Variants in SBNO1 observed in about 807,000 individuals in gnomAD.
SBNO1 encodes strawberry notch homolog 1.
In SBNO1, 23 loss-of-function variants were observed where a neutral mutation model predicts 173.6. That is an observed-to-expected ratio of 0.13 (90% CI 0.10 to 0.19). The LOEUF (loss-of-function observed/expected upper bound fraction) is 0.19, where lower values mean the gene tolerates loss of function less well. Among genes scored for constraint, SBNO1 ranks in the 10% least tolerant of loss-of-function variants. The probability of loss-of-function intolerance (pLI) is 1.00; values close to 1 mark genes in which losing one functional copy is unlikely to be tolerated. For synonymous variants in SBNO1, 632 were observed against 571.5 expected (o/e 1.11, Z -1.51); for missense variants, 1,238 against 1,671.2 (o/e 0.74, Z 4.52).
At position 123,309,337 on chromosome 12, in the gene SBNO1, T is replaced by C. The variant is rs758766434; in HGVS notation, c.3603A>G (p.Pro1201=). 24 of 1,614,018 alleles carry C rather than the reference T, an allele frequency of 1.5e-5. No homozygotes were observed. Among genetic ancestry groups the C allele is most frequent in the Non-Finnish European group, 2.0e-5 (24 of 1,179,960 alleles). ...GCAATGACAAGTAAAAGCCATCGTCTGGTCCTGTCAGCTCAGCCCAAATCT... is the reference window on the plus strand; with the variant it reads ...GCAATGACAAGTAAAAGCCATCGTCCGGTCCTGTCAGCTCAGCCCAAATCT... ...ATKIWAELTG[P]DDGFYLSLQI... The change falls in exon 28 of 32, where the codon CCA becomes CCG. Residue 1201 remains proline (P), a synonymous_variant. Coordinates refer to ENST00000602398, the MANE Select transcript of SBNO1 (RefSeq NM_001167856.3).
At position 123,329,060 on chromosome 12, in the gene SBNO1, A is replaced by T. The variant is rs79682856; in HGVS notation, c.1135-165T>A. 3.0e-3 allele frequency among the ~76,000 whole-genome samples: 453 copies of T among 152,318 alleles called. 3 individuals carry two copies. Among genetic ancestry groups the T allele is most frequent in the East Asian group, 0.013 (65 of 5,188 alleles). ...ATTTATTTGTATAAATGTACACAACACAAACACACAACTTTATAGTACAAA... is the reference window on the plus strand; with the variant it reads ...ATTTATTTGTATAAATGTACACAACTCAAACACACAACTTTATAGTACAAA... On this transcript the variant is annotated intron_variant, in intron 9 of 31. Coordinates refer to ENST00000602398, the MANE Select transcript of SBNO1 (RefSeq NM_001167856.3).
intron 21 of SBNO1, among the ~76,000 whole-genome samples, chr12:123,316,983 C>A (rs951368705): frequency 6.6e-6 from 1 of 151,904 alleles, no homozygotes; most frequent in Admixed American, 6.6e-5. Flanking sequence ...ATTACAGGCA[C>A]GAGCCACTGC....
chr12:123,300,316 C>T (rs1168186064), intron 30 of SBNO1, among the ~76,000 whole-genome samples: 1 of 152,146 alleles, frequency 6.6e-6, no homozygotes, highest in Admixed American at 6.6e-5. Context: ...TCATCTTGAT[C>T]TCCCAAAGTG....
intron 1 of SBNO1, among the ~76,000 whole-genome samples, chr12:123,362,461 AAAAAAAAG>A (rs1875426474): frequency 6.9e-6 from 1 of 145,338 alleles, no homozygotes; most frequent in Non-Finnish European, 1.5e-5. Flanking sequence ...AAAAAAAAAA[AAAAAAAAG>A]GATTCTGACG....
intron 1 of SBNO1, among the ~76,000 whole-genome samples, chr12:123,351,862 C>T (rs745797646): frequency 6.6e-6 from 1 of 151,946 alleles, no homozygotes; most frequent in Non-Finnish European, 1.5e-5. Flanking sequence ...GAATATGAAG[C>T]ACGTCAGAGA....
At chr12:123,296,144 C>G in intron 31 of SBNO1, 94 bp from the exon 32 acceptor site, 2 of 744,652 alleles carry the variant, frequency 2.7e-6, no homozygotes, top group Non-Finnish European at 4.6e-6. Context: ...TAATATTAAG[C>G]GTAATGGACA....
At chr12:123,315,244 G>T in intron 23 of SBNO1, 129 bp downstream of exon 23, 1 of 664,040 alleles carries the variant, frequency 1.5e-6, no homozygotes, top group Non-Finnish European at 2.6e-6. Flanking sequence ...CTTATAGGAA[G>T]CCATGATTTT....
chr12:123,320,774 C>T lies in SBNO1; in HGVS notation c.2416G>A (p.Ala806Thr). The change falls in exon 18 of 32, where the codon GCA becomes ACA. Residue 806 changes from alanine (A) to threonine (T), a missense_variant. This residue lies in a region of SBNO1 where 5 missense variants were observed against 18.6 expected (regional missense o/e 0.27). Coordinates refer to ENST00000602398, the MANE Select transcript of SBNO1 (RefSeq NM_001167856.3). ...GGTCGTTTTGATCCAAGACCTGATG[C>T]TAATAAGGCACTTTGAATAGAATCT... ...DPDSIQSALL[A>T]SGLGSKRPSF... 6.2e-7 allele frequency: 1 copy of T among 1,611,406 alleles called. No homozygotes were observed. Among genetic ancestry groups the T allele is most frequent in the Non-Finnish European group, 8.5e-7 (1 of 1,178,504 alleles).
chr12:123,296,409 T>C (rs2048595928), intron 31 of SBNO1, among the ~76,000 whole-genome samples: 1 of 124,994 alleles, frequency 8.0e-6, no homozygotes, highest in Non-Finnish European at 1.7e-5. Context: ...CAAATTCAAA[T>C]GCTAACCGAA....
chr12:123,313,598 T>A, intron 24 of SBNO1, 22 bp downstream of exon 24: 1 of 1,186,818 alleles, frequency 8.4e-7, no homozygotes, highest in Admixed American at 1.8e-5. Flanking sequence ...TTGTCATTGT[T>A]ATGAATATTT....
At position 123,364,161 on chromosome 12, in the gene SBNO1, C is replaced by T. The variant is rs1365905553; in HGVS notation, c.-1+540G>A. 5 of 985,450 alleles carry T rather than the reference C, an allele frequency of 5.1e-6. No individual in the cohort carries two copies. The South Asian group carries it at 1.4e-4, about 28-fold the overall frequency. 61.0% of individuals were successfully genotyped at this position (985,450 alleles called of 1,614,324 possible). A position where few individuals can be genotyped will look rare whatever the true frequency, so the allele number is the denominator to read the frequency against. On this transcript the variant is annotated intron_variant, in intron 1 of 31. Coordinates refer to ENST00000602398, the MANE Select transcript of SBNO1 (RefSeq NM_001167856.3). ...CGCGGCTTCCCCACCGCCCCAAGAG[C>T]GGGGCATGTACGAGACCGCGCTGTG...
chr12:123,328,891 T>C lies in SBNO1; in HGVS notation c.1139A>G (p.Lys380Arg). 2.6e-6 allele frequency: 4 copies of C among 1,525,254 alleles called. No individual in the cohort carries two copies. Among genetic ancestry groups the C allele is most frequent in the Non-Finnish European group, 3.6e-6 (4 of 1,120,454 alleles). The allele number at this position is 1,525,254 out of a possible 1,614,324, so 94.5% of individuals were successfully genotyped here. A position where few individuals can be genotyped will look rare whatever the true frequency, so the allele number is the denominator to read the frequency against. Residue 380 changes from lysine (K) to arginine (R), a missense_variant, in exon 10 of 32, where the codon AAA becomes AGA. By Grantham distance (26) the Lys-to-Arg change is conservative. Coordinates refer to ENST00000602398, the MANE Select transcript of SBNO1 (RefSeq NM_001167856.3). The stretch of plus-strand genomic sequence containing the variant: ...ATGTTTGGAAGAAATTTTTCCGTAT[T>C]TAAACTAAAAAAGAAAAGAAAAGAA... ...NILVHSLNKF[K>R]YGKISSKHNG...
At chr12:123,355,739 T>A (rs1262460404) in intron 1 of SBNO1, among the ~76,000 whole-genome samples, 2 of 152,136 alleles carry the variant, frequency 1.3e-5, no homozygotes, top group Admixed American at 6.6e-5. Context: ...GGCATGTTCA[T>A]GGCACTGCAT....
intron 30 of SBNO1, among the ~76,000 whole-genome samples, chr12:123,298,483 C>T (rs959960755): frequency 6.6e-6 from 1 of 152,310 alleles, no homozygotes; most frequent in Admixed American, 6.5e-5. Flanking sequence ...GTCTTAAACT[C>T]CTGACCTCAG....
chr12:123,327,434 C>T lies in SBNO1; in HGVS notation c.1684G>A (p.Val562Ile), dbSNP rs1322933343. ...TAAGAAAAATTCCTCACCAGCTTGA[C>T]AGCTTTGTTATACATTTTAACGTAG... ...QSYVKMYNKA[V>I]KLWVIARERF... The change falls in exon 13 of 32, where the codon GTC (valine) becomes ATC (isoleucine). Residue 562 changes from valine (V) to isoleucine (I), a missense_variant. By Grantham distance (29) the Val-to-Ile change is conservative (BLOSUM62 3). Around this residue, in one of 14 missense-constraint regions of SBNO1, gnomAD observed 182 missense variants for 339.9 expected, o/e 0.54. Coordinates refer to ENST00000602398, the MANE Select transcript of SBNO1 (RefSeq NM_001167856.3). The T allele has an allele frequency of 5.0e-6, 8 of 1,609,348 alleles. No individual in the cohort carries two copies. The highest frequency in any genetic ancestry group is 6.8e-6 in the Non-Finnish European group (8 of 1,178,668).
intron 20 of SBNO1, among the ~76,000 whole-genome samples, chr12:123,318,261 G>A (rs1181939309): frequency 6.6e-6 from 1 of 152,138 alleles, no homozygotes; most frequent in Non-Finnish European, 1.5e-5. Context: ...CAAACATGAC[G>A]AAACCTTGTC....
chr12:123,314,542 A>G (rs190974671), intron 23 of SBNO1, among the ~76,000 whole-genome samples: 1 of 151,874 alleles, frequency 6.6e-6, no homozygotes, highest in African/African-American at 2.4e-5. Context: ...GTTGGCCAGG[A>G]TGGTCTCGAT....
At chr12:123,329,423 T>A (rs1445919991) in intron 9 of SBNO1, among the ~76,000 whole-genome samples, 1 of 150,572 alleles carries the variant, frequency 6.6e-6, no homozygotes, top group Non-Finnish European at 1.5e-5. Context: ...AAAACTTTTA[T>A]CATCACAAAA....
In SBNO1 at chr12:123,319,945, T is replaced by C. The variant is rs902530134; in HGVS notation, c.2754A>G (p.Glu918=). 5.0e-6 allele frequency: 8 copies of C among 1,613,876 alleles called. No homozygotes were observed. The highest frequency in any genetic ancestry group is 6.8e-6 in the Non-Finnish European group (8 of 1,179,762). Residue 918 remains glutamate, a synonymous_variant, in exon 20 of 32, where the codon GAA becomes GAG. Coordinates refer to ENST00000602398, the MANE Select transcript of SBNO1 (RefSeq NM_001167856.3). ...ESRSELDVPV[E]ILNITEKQRF... is the part of the protein sequence containing the mutation. Reference sequence around the variant, plus strand: ...GTTGTTTTTCTGTGATGTTTAGTATTTCCACAGGCACATCAAGTTCAGATC... The same window carrying C: ...GTTGTTTTTCTGTGATGTTTAGTATCTCCACAGGCACATCAAGTTCAGATC...
Sources: gnomAD v4.1 joint callset for allele counts (sites outside exome capture counted in the v4.1 genomes callset) on GRCh38, gnomAD v4.1.1 for gene constraint, gnomAD v4.1.1 regional missense constraint, MANE v1.5 for transcripts, NCBI Gene and HGNC (gene_info 2026-07-23, HGNC 2026-07-21) for gene names.